Variants in MB21D2 observed in about 807,000 individuals in gnomAD.
MB21D2 encodes the protein nucleotidyltransferase MB21D2.
MB21D2 carries 9 observed loss-of-function variants against 33.3 expected under a neutral mutation model. The ratio of observed to expected loss-of-function variants is 0.27; its 90% CI spans 0.16 to 0.47. The LOEUF is 0.47. Among genes scored for constraint, MB21D2 ranks in the 20% least tolerant of loss-of-function variants. MB21D2 has a pLI of 0.99. For missense variants in MB21D2, 540 were observed against 624.6 expected (o/e 0.86, Z 1.44); for synonymous variants, 241 against 236.3 (o/e 1.02, Z -0.18).
intron 1 of MB21D2, among the ~76,000 whole-genome samples, chr3:192,837,608 G>A (rs752197624): frequency 3.3e-5 from 5 of 152,208 alleles, no homozygotes; most frequent in African/African-American, 1.2e-4. Context: ...AAGGGCTCTC[G>A]CTCACTGGTT....
At chr3:192,875,015 T>TA (rs56300027) in intron 1 of MB21D2, among the ~76,000 whole-genome samples, 62,835 of 148,980 alleles carry the variant, frequency 0.42, 13,467 homozygotes, top group East Asian at 0.57. Flanking sequence ...CTGTCCCTAT[T>TA]AAAAAAAAAA....
intron 1 of MB21D2, among the ~76,000 whole-genome samples, chr3:192,890,280 G>A (rs1577197829): frequency 6.6e-6 from 1 of 151,848 alleles, no homozygotes; most frequent in East Asian, 1.9e-4. Context: ...TATTTGCACT[G>A]ATCACAGATG....
At chr3:192,902,967 G>A (rs929142808) in intron 1 of MB21D2, among the ~76,000 whole-genome samples, 1 of 152,230 alleles carries the variant, frequency 6.6e-6, no homozygotes, top group Non-Finnish European at 1.5e-5. Flanking sequence ...AAACCAGAGA[G>A]AAAGAGATGA....
intron 1 of MB21D2, among the ~76,000 whole-genome samples, chr3:192,842,365 C>T (rs767487949): frequency 2.0e-5 from 3 of 152,214 alleles, no homozygotes; most frequent in Non-Finnish European, 2.9e-5. Context: ...GAGGACAAAG[C>T]TACCACAGGA....
intron 1 of MB21D2, among the ~76,000 whole-genome samples, chr3:192,858,450 T>C (rs531421689): frequency 6.6e-6 from 1 of 152,332 alleles, no homozygotes; most frequent in Non-Finnish European, 1.5e-5. Context: ...ATCTGAATCC[T>C]AAAGATGTCT....
chr3:192,799,922 C>T lies in MB21D2; in HGVS notation c.212-272G>A, dbSNP rs897159587. On this transcript the variant is annotated intron_variant, in intron 1 of 1. Coordinates refer to ENST00000392452, the MANE Select transcript of MB21D2 (RefSeq NM_178496.4). This position sits in a 1 kb window ranked among gnomAD's most constrained non-coding sequence, Gnocchi z 4.1. Reference sequence around the variant, plus strand: ...TAATAAAACAGGGCCCCTCTTCCCCCAGTCATCATCTCAGTTAATGGAATT... The same window carrying T: ...TAATAAAACAGGGCCCCTCTTCCCCTAGTCATCATCTCAGTTAATGGAATT... Among the ~76,000 whole-genome samples, 2 of 152,302 alleles carry T rather than the reference C, an allele frequency of 1.3e-5. No individual in the cohort carries two copies. The highest frequency in any genetic ancestry group is 4.8e-5 in the African/African-American group (2 of 41,560).
At chr3:192,903,231 T>C (rs1042871969) in intron 1 of MB21D2, among the ~76,000 whole-genome samples, 3 of 152,210 alleles carry the variant, frequency 2.0e-5, no homozygotes, top group Non-Finnish European at 2.9e-5. Context: ...CAAGTATCTT[T>C]CTTAAAGCAT....
intron 1 of MB21D2, among the ~76,000 whole-genome samples, chr3:192,809,005 C>A (rs1259170228): frequency 6.6e-6 from 1 of 152,040 alleles, no homozygotes; most frequent in Non-Finnish European, 1.5e-5. Context: ...CACAAACATT[C>A]ATGCCACTAC....
Position 192,798,295 on chromosome 3 carries a change from T to A in MB21D2, c.*91A>T. The A allele has an allele frequency of 7.1e-7, 1 of 1,412,582 alleles. No homozygotes were observed. The highest frequency in any genetic ancestry group is 1.3e-5 in the South Asian group (1 of 74,950). 87.5% of individuals were successfully genotyped at this position (1,412,582 alleles called of 1,614,324 possible). On this transcript the variant is annotated 3_prime_UTR_variant, in exon 2 of 2. Transcript: ENST00000392452. This position sits in a 1 kb window ranked among gnomAD's most constrained non-coding sequence, Gnocchi z 4.8. The stretch of plus-strand genomic sequence containing the variant: ...TGTTCTTAACAAATCCAATCTAGGC[T>A]GGATATGTAAAAAACAGAAAGATAG...
intron 1 of MB21D2, among the ~76,000 whole-genome samples, chr3:192,872,962 T>C (rs992754885): frequency 2.0e-5 from 3 of 151,754 alleles, no homozygotes; most frequent in African/African-American, 7.3e-5. Context: ...CCAAATTTAG[T>C]GATACTCAGC....
At chr3:192,816,657 G>C (rs963079346) in intron 1 of MB21D2, among the ~76,000 whole-genome samples, 1 of 152,180 alleles carries the variant, frequency 6.6e-6, no homozygotes, top group Non-Finnish European at 1.5e-5. Context: ...CTACTGTCAC[G>C]ATGGGATGTC....
chr3:192,798,112 TG>T lies in MB21D2; in HGVS notation c.*273del, dbSNP rs1720559935. 3.0e-6 allele frequency: 1 copy of T among 333,120 alleles called. No individual in the cohort carries two copies. The highest frequency in any genetic ancestry group is 5.1e-5 in the East Asian group (1 of 19,692). The allele number at this position is 333,120 out of a possible 1,614,324, so 20.6% of individuals were successfully genotyped here. A position where few individuals can be genotyped will look rare whatever the true frequency, so the allele number is the denominator to read the frequency against. On this transcript the variant is annotated 3_prime_UTR_variant, in exon 2 of 2. Coordinates refer to ENST00000392452, the MANE Select transcript of MB21D2 (RefSeq NM_178496.4). This position sits in a 1 kb window ranked among gnomAD's most constrained non-coding sequence, Gnocchi z 4.8. Reference sequence around the variant, plus strand: ...GAGGATTCATGGGCATTTTCATCTATGGCTTAAGATCTCCTTAAAAAGAAAA... The same window carrying T: ...GAGGATTCATGGGCATTTTCATCTATGCTTAAGATCTCCTTAAAAAGAAAA...
intron 1 of MB21D2, among the ~76,000 whole-genome samples, chr3:192,899,358 G>A (rs1369958254): frequency 1.3e-5 from 2 of 152,052 alleles, no homozygotes; most frequent in East Asian, 1.9e-4. Context: ...GTGAAACCCC[G>A]TCTCTACTAA....
intron 1 of MB21D2, among the ~76,000 whole-genome samples, chr3:192,808,750 G>A (rs1220581103): frequency 6.6e-6 from 1 of 152,214 alleles, no homozygotes; most frequent in South Asian, 2.1e-4. Context: ...CACAGTGGCT[G>A]TAAGAAGACC....
At chr3:192,916,969 C>G (rs1714480548) in intron 1 of MB21D2, among the ~76,000 whole-genome samples, 1 of 152,226 alleles carries the variant, frequency 6.6e-6, no homozygotes, top group Non-Finnish European at 1.5e-5. Context: ...AGCGAGAGCC[C>G]TGAAGAAGCA....
intron 1 of MB21D2, among the ~76,000 whole-genome samples, chr3:192,820,272 T>C (rs903062310): frequency 1.3e-5 from 2 of 151,844 alleles, no homozygotes; most frequent in African/African-American, 2.4e-5. Flanking sequence ...ATGAAACAGA[T>C]TGTAAAAAAG....
Position 192,830,267 on chromosome 3 carries a change from T to TGTGTGG in MB21D2, c.212-30618_212-30617insCCACAC, listed in dbSNP as rs1242223967. On this transcript the variant is annotated intron_variant, in intron 1 of 1. Transcript: ENST00000392452. The stretch of plus-strand genomic sequence containing the variant: ...GTGTGTGTGTGTGTGTGTGTGTGTG[T>TGTGTGG]GTGGGTGTCAAAGGGAGAGAGGAGA... Among the ~76,000 whole-genome samples the TGTGTGG allele has an allele frequency of 3.5e-4, 51 of 145,834 alleles. 1 individual carries two copies. Among genetic ancestry groups the TGTGTGG allele is most frequent in the Admixed American group, 1.4e-3 (21 of 14,760 alleles).
At chr3:192,805,590 C>G (rs1711644681) in intron 1 of MB21D2, among the ~76,000 whole-genome samples, 2 of 152,092 alleles carry the variant, frequency 1.3e-5, no homozygotes, top group South Asian at 4.1e-4. Flanking sequence ...CTTAGTATTT[C>G]CCCATTTTGA....
intron 1 of MB21D2, among the ~76,000 whole-genome samples, chr3:192,810,956 C>T (rs1246687380): frequency 1.3e-5 from 2 of 152,202 alleles, no homozygotes; most frequent in Non-Finnish European, 2.9e-5. Context: ...CCCAGCCCAT[C>T]CCTGGGTTCA....
Sources: allele counts gnomAD v4.1 joint callset (sites outside exome capture counted in the v4.1 genomes callset), GRCh38; gene constraint gnomAD v4.1.1; non-coding constraint Gnocchi (gnomAD v3.1); transcripts MANE v1.5; gene names NCBI Gene and HGNC (gene_info 2026-07-23, HGNC 2026-07-21).